The following BEST1 variants were observed in gnomAD, a reference collection of about 807,000 sequenced individuals.
The protein encoded by BEST1 is bestrophin 1, also known as bestrophin-1.
In BEST1, 58 loss-of-function variants were observed where a neutral mutation model predicts 63.3. The observed-to-expected ratio is 0.92, with a 90% CI of 0.74 to 1.14. BEST1 has a LOEUF of 1.14. Among genes scored for constraint, BEST1 ranks in the 50% most tolerant of loss-of-function variants. BEST1 has a pLI of 0.00. For missense variants in BEST1, 671 were observed against 740.1 expected, an observed-to-expected ratio of 0.91 and a Z score of 1.08; for synonymous variants, 283 against 291.6, an observed-to-expected ratio of 0.97 and a Z score of 0.30.
chr11:61,962,410 C>T lies in BEST1; in HGVS notation c.1256C>T (p.Ser419Phe). 1 of 1,614,204 alleles carries T rather than the reference C, an allele frequency of 6.2e-7. No homozygotes were observed. Among genetic ancestry groups the T allele is most frequent in the South Asian group, 1.1e-5 (1 of 91,090 alleles). ...RTKLLWPKRE[S>F]LLHEGLPKNH... Reference sequence around the variant, plus strand: ...AAACTACTGTGGCCCAAGAGGGAATCCCTTCTCCACGAGGGCCTGCCCAAA... The same window carrying T: ...AAACTACTGTGGCCCAAGAGGGAATTCCTTCTCCACGAGGGCCTGCCCAAA... Residue 419 changes from serine (S) to phenylalanine (F), a missense_variant, in exon 10 of 11, where the codon TCC (serine) becomes TTC (phenylalanine). Physicochemically the swap from Ser to Phe is radical, Grantham distance 155. Transcript: ENST00000378043.
intron 10 of BEST1, chr11:61,963,373 AG>A (rs753418724): frequency 2.5e-5 from 32 of 1,263,188 alleles, no homozygotes; most frequent in African/African-American, 6.0e-5. Flanking sequence ...CCTCACTCCT[AG>A]GAACTGGTAG....
At chr11:61,959,367 G>A (rs1458349052) in intron 7 of BEST1, 131 bp from the exon 8 acceptor site, 7 of 860,738 alleles carry the variant, frequency 8.1e-6, no homozygotes, top group Non-Finnish European at 1.3e-5. Flanking sequence ...CCTAAACTCT[G>A]CCTTTGAAGA....
Position 61,955,863 on chromosome 11 carries a change from C to T in BEST1, c.393C>T (p.Tyr131=). The change falls in exon 4 of 11, where the codon TAC becomes TAT. Residue 131 remains tyrosine (Y), a synonymous_variant. Coordinates refer to ENST00000378043, the MANE Select transcript of BEST1 (RefSeq NM_004183.4). ...GRLLRRTLIR[Y]ANLGNVLILR... ...TGCTGCGGCGCACGCTCATCCGCTA[C>T]GCCAACCTGGGCAACGTGCTCATCC... 6.4e-7 allele frequency: 1 copy of T among 1,550,570 alleles called. No homozygotes were observed.
chr11:61,951,861 C>T lies in BEST1; in HGVS notation c.55C>T (p.Arg19Cys), dbSNP rs765385264. The T allele has an allele frequency of 6.2e-6, 10 of 1,613,798 alleles. No individual in the cohort carries two copies. The highest frequency in any genetic ancestry group is 2.2e-5 in the South Asian group (2 of 91,074). ...VANARLGSFS[R>C]LLLCWRGSIY... ...TAATGCCCGCTTAGGCTCCTTCTCC[C>T]GCCTGCTGCTGTGCTGGCGGGGCAG... Residue 19 changes from arginine to cysteine, a missense_variant, in exon 2 of 11, where the codon CGC becomes TGC. Arg to Cys is a radical substitution (Grantham distance 180, BLOSUM62 -3). Coordinates refer to ENST00000378043, the MANE Select transcript of BEST1 (RefSeq NM_004183.4).
chr11:61,957,338 G>A, intron 5 of BEST1, 49 bp from the exon 6 acceptor site: 2 of 1,548,724 alleles, frequency 1.3e-6, no homozygotes, highest in African/African-American at 1.4e-5. Flanking sequence ...CGAGCCCAGG[G>A]TGGGGGCAGG....
chr11:61,960,150 G>A, intron 9 of BEST1, 107 bp downstream of exon 9: 1 of 1,410,084 alleles, frequency 7.1e-7, no homozygotes. Flanking sequence ...TTCAGTAAGT[G>A]TCAGGCACTG....
chr11:61,950,815 A>C (rs567790331), intron 1 of BEST1, among the ~76,000 whole-genome samples: 1 of 152,324 alleles, frequency 6.6e-6, no homozygotes, highest in Non-Finnish European at 1.5e-5. Context: ...CAAGGTGAGG[A>C]GACACAGAGC....
chr11:61,964,888 A>G, downstream of BEST1: 1 of 1,609,402 alleles, frequency 6.2e-7, no homozygotes, highest in Non-Finnish European at 8.5e-7. Flanking sequence ...ATGAAGTCAC[A>G]CAACTGCAAA....
intron 2 of BEST1, chr11:61,954,739 C>T (rs1243524578): frequency 2.0e-5 from 19 of 946,392 alleles, no homozygotes; most frequent in Non-Finnish European, 2.0e-5. Context: ...CGTGAACCAC[C>T]GTGCCCGTCC....
chr11:61,962,683 A>C lies in BEST1; in HGVS notation c.1529A>C (p.Lys510Thr). Residue 510 changes from lysine (K) to threonine (T), a missense_variant, in exon 10 of 11, where the codon AAG (lysine) becomes ACG (threonine). Transcript: ENST00000378043. ...KSLKTVSSGA[K>T]KSFELLSESD... ...TTAAAGACTGTGAGTTCTGGGGCCAAGAAAAGTTTTGAATTGCTCTCAGAG... is the reference window on the plus strand; with the variant it reads ...TTAAAGACTGTGAGTTCTGGGGCCACGAAAAGTTTTGAATTGCTCTCAGAG... The C allele has an allele frequency of 6.2e-7, 1 of 1,614,232 alleles. No homozygotes were observed. The highest frequency in any genetic ancestry group is 8.5e-7 in the Non-Finnish European group (1 of 1,180,036).
At chr11:61,951,005 CCA>C (rs1374420201) in intron 1 of BEST1, among the ~76,000 whole-genome samples, 2 of 152,102 alleles carry the variant, frequency 1.3e-5, no homozygotes, top group African/African-American at 4.8e-5. Context: ...AGCATCTCTA[CCA>C]GCTAGGTTCC....
At chr11:61,959,401 C>A in intron 7 of BEST1, 97 bp from the exon 8 acceptor site, 1 of 1,209,914 alleles carries the variant, frequency 8.3e-7, no homozygotes, top group Non-Finnish European at 1.2e-6. Flanking sequence ...GGAAGGGCGT[C>A]ATGGGGTGTG....
Position 61,955,834 on chromosome 11 carries a change from C to T in BEST1, c.364C>T (p.Arg122Trp), listed in dbSNP as rs886622502. The T allele has an allele frequency of 6.4e-7, 1 of 1,550,454 alleles. No homozygotes were observed. Among genetic ancestry groups the T allele is most frequent in the Non-Finnish European group, 8.7e-7 (1 of 1,146,896 alleles). The change falls in exon 4 of 11, where the codon CGG becomes TGG. Residue 122 changes from arginine to tryptophan, a missense_variant. Coordinates refer to ENST00000378043, the MANE Select transcript of BEST1 (RefSeq NM_004183.4). ...CGTCGAAGGCAAGGACGAGCAAGGC[C>T]GGCTGCTGCGGCGCACGCTCATCCG... ...GFVEGKDEQG[R>W]LLRRTLIRYA...
In BEST1 at chr11:61,957,446, C is replaced by A. The variant is rs1805140; in HGVS notation, c.696C>A (p.Ile232=). 6.6e-3 allele frequency: 10,653 copies of A among 1,614,024 alleles called. 604 individuals carry two copies. In the African/African-American group the frequency reaches 0.13, roughly 19 times the overall value. The change falls in exon 6 of 11, where the codon ATC becomes ATA. Residue 232 remains isoleucine (I), a synonymous_variant. Transcript: ENST00000378043. ...TGTATGCCTACGACTGGATTAGTAT[C>A]CCACTGGTGTATACACAGGTGAGGA... The part of the protein sequence containing the change: ...GHLYAYDWIS[I]PLVYTQVVTV...
chr11:61,964,379 C>T lies in BEST1; in HGVS notation c.*257C>T, dbSNP rs1190782068. 1.4e-6 allele frequency: 1 copy of T among 711,392 alleles called. No individual in the cohort carries two copies. The highest frequency in any genetic ancestry group is 1.8e-5 in the African/African-American group (1 of 55,892). 44.1% of individuals were successfully genotyped at this position (711,392 alleles called of 1,614,324 possible). ...CAGACTCTGGATTCAGAGTCGGGAA[C>T]CCTTAGTTCTATCTGAATCCAAGAC... On this transcript the variant is annotated 3_prime_UTR_variant, in exon 11 of 11. Coordinates refer to ENST00000378043, the MANE Select transcript of BEST1 (RefSeq NM_004183.4).
At chr11:61,956,051 TCGGGGGATTGGGTGGAGC>T in intron 4 of BEST1, 100 bp downstream of exon 4, 1 of 1,198,604 alleles carries the variant, frequency 8.3e-7, no homozygotes, top group South Asian at 1.4e-5. Flanking sequence ...TCCCCCGGAC[TCGGGGGATTGGGTGGAGC>T]CAGGAGTGGG....
chr11:61,951,685 A>G, intron 1 of BEST1, 86 bp from the exon 2 acceptor site: 1 of 1,370,912 alleles, frequency 7.3e-7, no homozygotes, highest in South Asian at 1.2e-5. Flanking sequence ...GGGAGAGTTG[A>G]GGTCCAGAGC....
intron 2 of BEST1, among the ~76,000 whole-genome samples, chr11:61,952,728 C>T (rs545297580): frequency 1.3e-4 from 19 of 151,770 alleles, no homozygotes; most frequent in Non-Finnish European, 2.9e-5. Flanking sequence ...CCACCCACCT[C>T]GGCCTCCCAA....
At chr11:61,958,899 C>G in intron 7 of BEST1, 1 of 30,616 alleles carries the variant, frequency 3.3e-5, no homozygotes. Context: ...CACACACACA[C>G]ACACACATAC....
Sources: allele counts gnomAD v4.1 joint callset (sites outside exome capture counted in the v4.1 genomes callset), GRCh38; gene constraint gnomAD v4.1.1; transcripts MANE v1.5; gene names NCBI Gene and HGNC (gene_info 2026-07-23, HGNC 2026-07-21).